The following CNTN4 variants were observed in gnomAD, a reference collection of about 807,000 sequenced individuals.
CNTN4 encodes the protein contactin 4.
A neutral mutation model predicts 122.5 loss-of-function variants in CNTN4; 77 were observed. The observed-to-expected ratio is 0.63, with a 90% CI of 0.52 to 0.76. CNTN4 has a LOEUF of 0.76. Ranked by LOEUF, CNTN4 falls within the 30% of genes least tolerant of loss-of-function variation. The pLI, the probability that CNTN4 is intolerant of heterozygous loss-of-function variation, is 0.00. For synonymous variants in CNTN4, 512 were observed against 447.0 expected, an observed-to-expected ratio of 1.15 and a Z score of -1.83; for missense variants, 1,256 against 1,259.1, an observed-to-expected ratio of 1.00 and a Z score of 0.04.
chr3:2,712,841 A>G (rs1425751833), intron 4 of CNTN4, among the ~76,000 whole-genome samples: 1 of 152,062 alleles, frequency 6.6e-6, no homozygotes, highest in Non-Finnish European at 1.5e-5. Context: ...CTTCATAAAA[A>G]CCCAACAGGA....
chr3:2,555,863 G>C (rs967538552), intron 3 of CNTN4, among the ~76,000 whole-genome samples: 2 of 152,158 alleles, frequency 1.3e-5, no homozygotes, highest in African/African-American at 4.8e-5. Flanking sequence ...GTGGAGAATG[G>C]CCTGGAGGGG....
At chr3:2,240,446 A>C (rs10510230) in intron 2 of CNTN4, among the ~76,000 whole-genome samples, 15,618 of 152,156 alleles carry the variant, frequency 0.1, 968 homozygotes, top group Middle Eastern at 0.16. Flanking sequence ...AGCAGATATC[A>C]AATGACCATT....
intron 10 of CNTN4, among the ~76,000 whole-genome samples, chr3:2,895,887 G>T (rs1167370346): frequency 1.3e-5 from 2 of 152,138 alleles, no homozygotes; most frequent in Admixed American, 6.5e-5. Flanking sequence ...ACAAAAATTA[G>T]CCGAGCGTGG....
At chr3:2,673,543 T>G (rs2084660434) in intron 4 of CNTN4, among the ~76,000 whole-genome samples, 1 of 152,042 alleles carries the variant, frequency 6.6e-6, no homozygotes, top group Non-Finnish European at 1.5e-5. Flanking sequence ...CAGTTTTTTG[T>G]TTTTTGTTTT....
At chr3:2,972,043 G>A (rs554687226) in intron 13 of CNTN4, among the ~76,000 whole-genome samples, 4 of 152,142 alleles carry the variant, frequency 2.6e-5, no homozygotes, top group East Asian at 3.9e-4. Context: ...CAAGCACAGT[G>A]GTATAATTAC....
At chr3:2,415,167 T>C (rs2047368062) in intron 3 of CNTN4, among the ~76,000 whole-genome samples, 1 of 152,228 alleles carries the variant, frequency 6.6e-6, no homozygotes, top group Non-Finnish European at 1.5e-5. Context: ...CAGTGTTAAA[T>C]GTGCTCTTCT....
chr3:2,828,958 C>T (rs962192060), intron 7 of CNTN4, among the ~76,000 whole-genome samples: 8 of 152,080 alleles, frequency 5.3e-5, no homozygotes, highest in African/African-American at 1.9e-4. Context: ...AAGTTGGTCT[C>T]AAACTCCTGG....
chr3:2,266,653 C>T (rs2041062351), intron 2 of CNTN4, among the ~76,000 whole-genome samples: 1 of 151,972 alleles, frequency 6.6e-6, no homozygotes, highest in Non-Finnish European at 1.5e-5. Context: ...TTTATTGAGC[C>T]CTGCCATTGA....
chr3:2,143,788 C>A (rs769582408), intron 2 of CNTN4, among the ~76,000 whole-genome samples: 7 of 152,172 alleles, frequency 4.6e-5, no homozygotes, highest in Non-Finnish European at 7.3e-5. Context: ...AATCAAATTG[C>A]TGTGCTGTGT....
chr3:2,212,749 T>G, intron 2 of CNTN4, among the ~76,000 whole-genome samples: 1 of 152,244 alleles, frequency 6.6e-6, no homozygotes, highest in African/African-American at 2.4e-5. Flanking sequence ...TTGAATTGAC[T>G]GAGGACTTTA....
rs568631390 is a variant in CNTN4, at chr3:2,123,757, C to T, written c.-145+23118C>T. 5.9e-5 allele frequency among the ~76,000 whole-genome samples: 9 copies of T among 152,320 alleles called. No individual in the cohort carries two copies. In the South Asian group the frequency reaches 1.7e-3, roughly 28 times the overall value. Reference sequence around the variant, plus strand: ...GACTAAGAAATGATCGTTAGAGTTTCAGACTTACAGCTCTTGTCCTGCACC... The same window carrying T: ...GACTAAGAAATGATCGTTAGAGTTTTAGACTTACAGCTCTTGTCCTGCACC... On this transcript the variant is annotated intron_variant, in intron 2 of 24. Transcript: ENST00000418658.
chr3:2,281,047 G>A (rs1229941492), intron 2 of CNTN4, among the ~76,000 whole-genome samples: 1 of 152,158 alleles, frequency 6.6e-6, no homozygotes, highest in Admixed American at 6.5e-5. Flanking sequence ...CAGAGAGACT[G>A]CATACTAAAA....
At chr3:2,144,126 C>T (rs2035132737) in intron 2 of CNTN4, 1 of 152,120 alleles carries the variant, frequency 6.6e-6, no homozygotes, top group African/African-American at 2.4e-5. Flanking sequence ...GTAAGCATAC[C>T]TACCTAGTAA....
At chr3:2,201,515 C>T (rs892450523) in intron 2 of CNTN4, among the ~76,000 whole-genome samples, 2 of 152,106 alleles carry the variant, frequency 1.3e-5, no homozygotes, top group Non-Finnish European at 2.9e-5. Context: ...CTAATTACAT[C>T]CAGGTACCTT....
chr3:2,190,863 G>A (rs1281969248), intron 2 of CNTN4, among the ~76,000 whole-genome samples: 3 of 148,002 alleles, frequency 2.0e-5, no homozygotes, highest in South Asian at 4.3e-4. Context: ...TATATATCTC[G>A]TACACACACA....
At chr3:2,653,129 A>T (rs1209000401) in intron 4 of CNTN4, among the ~76,000 whole-genome samples, 1 of 152,138 alleles carries the variant, frequency 6.6e-6, no homozygotes, top group Non-Finnish European at 1.5e-5. Flanking sequence ...TAAAGGGGGA[A>T]TTTTAAAACA....
chr3:2,768,560 C>T (rs184756900), intron 6 of CNTN4, among the ~76,000 whole-genome samples: 1 of 152,254 alleles, frequency 6.6e-6, no homozygotes, highest in Non-Finnish European at 1.5e-5. Flanking sequence ...ATTCTCCAGC[C>T]ACCTCCACAG....
At chr3:2,122,664 A>G (rs1411441969) in intron 2 of CNTN4, among the ~76,000 whole-genome samples, 2 of 152,212 alleles carry the variant, frequency 1.3e-5, no homozygotes, top group Non-Finnish European at 2.9e-5. Flanking sequence ...ACATTTAAAA[A>G]CTTTTATAAT....
intron 3 of CNTN4, among the ~76,000 whole-genome samples, chr3:2,454,842 C>T (rs1053702924): frequency 5.9e-5 from 9 of 152,090 alleles, no homozygotes; most frequent in Non-Finnish European, 1.0e-4. Flanking sequence ...AAAACTTTTT[C>T]GATCACATTT....
Sources: gnomAD v4.1 joint callset for allele counts (sites outside exome capture counted in the v4.1 genomes callset) on GRCh38, gnomAD v4.1.1 for gene constraint, MANE v1.5 for transcripts, NCBI Gene and HGNC (gene_info 2026-07-23, HGNC 2026-07-21) for gene names.